MYO5A: variants seen among roughly 807,000 people sequenced by gnomAD.
MYO5A encodes unconventional myosin-Va.
MYO5A carries 98 observed loss-of-function variants against 249.7 expected under a neutral mutation model. The observed-to-expected ratio is 0.39, with a 90% confidence interval of 0.33 to 0.46. The LOEUF is 0.46. MYO5A is among the 20% of genes least tolerant of loss of function. MYO5A has a pLI of 0.98. For synonymous variants in MYO5A, 778 were observed against 810.6 expected (o/e 0.96, Z 0.68); for missense variants, 1,696 against 2,308.8 (o/e 0.73, Z 5.44).
chr15:52,333,456 C>T (rs1005202300), intron 34 of MYO5A, among the ~76,000 whole-genome samples: 1 of 152,144 alleles, frequency 6.6e-6, no homozygotes, highest in Non-Finnish European at 1.5e-5. Context: ...ATCAGTGGCC[C>T]TTAGAAGGTA....
intron 5 of MYO5A, among the ~76,000 whole-genome samples, chr15:52,411,280 T>C (rs2043236323): frequency 6.6e-6 from 1 of 152,234 alleles, no homozygotes; most frequent in Non-Finnish European, 1.5e-5. Context: ...CCTTATCCTG[T>C]GGCAACAAAG....
rs924012650 is a variant in MYO5A at position 52,468,130 on chromosome 15, G to A, written c.28-34845C>T. 3.3e-5 allele frequency among the ~76,000 whole-genome samples: 5 copies of A among 152,254 alleles called. No individual in the cohort carries two copies. In the South Asian group the frequency reaches 1.0e-3, roughly 32 times the overall value. On this transcript the variant is annotated intron_variant, in intron 1 of 41. Coordinates refer to ENST00000399233, the MANE Select transcript of MYO5A (RefSeq NM_001382347.1). ...TTTGAGAAGCTGAGGCATGAGGATTGCTTGAGCCTAGGAGTTGGAGACCAG... is the reference window on the plus strand; with the variant it reads ...TTTGAGAAGCTGAGGCATGAGGATTACTTGAGCCTAGGAGTTGGAGACCAG...
chr15:52,487,968 G>A (rs1460023704), intron 1 of MYO5A, among the ~76,000 whole-genome samples: 1 of 152,034 alleles, frequency 6.6e-6, no homozygotes, highest in African/African-American at 2.4e-5. Context: ...TAAACACTAA[G>A]ATGAAAGCTT....
chr15:52,512,528 A>ATT (rs1177928314), intron 1 of MYO5A, among the ~76,000 whole-genome samples: 3 of 152,104 alleles, frequency 2.0e-5, no homozygotes, highest in African/African-American at 7.2e-5. Context: ...AAATATATAT[A>ATT]TATATAGGGA....
At chr15:52,504,427 T>C (rs2077223309) in intron 1 of MYO5A, among the ~76,000 whole-genome samples, 1 of 152,188 alleles carries the variant, frequency 6.6e-6, no homozygotes, top group South Asian at 2.1e-4. Flanking sequence ...TGTTTTGCAA[T>C]GTCCAAAGCA....
intron 1 of MYO5A, among the ~76,000 whole-genome samples, chr15:52,454,129 C>T (rs2076072540): frequency 6.6e-6 from 1 of 151,906 alleles, no homozygotes; most frequent in Admixed American, 6.6e-5. Flanking sequence ...CCCATTTTAC[C>T]TATAAAGACA....
At chr15:52,528,759 G>A in intron 1 of MYO5A, 21 bp downstream of exon 1, 2 of 1,503,216 alleles carry the variant, frequency 1.3e-6, no homozygotes, top group Non-Finnish European at 8.8e-7. Flanking sequence ...AGTCCTCGAC[G>A]CCGGCCGCGG....
At chr15:52,393,973 C>T (rs2042375369) in intron 11 of MYO5A, among the ~76,000 whole-genome samples, 1 of 152,192 alleles carries the variant, frequency 6.6e-6, no homozygotes, top group South Asian at 2.1e-4. Flanking sequence ...GAGCATATTA[C>T]TCACACACAT....
rs113484481 is a variant in MYO5A at position 52,317,150 on chromosome 15, C to T, written c.5307G>A (p.Leu1769=). 2.8e-5 allele frequency: 45 copies of T among 1,614,066 alleles called. 1 individual carries two copies. The highest frequency in any genetic ancestry group is 2.3e-4 in the African/African-American group (17 of 75,024). Residue 1769 remains leucine, a synonymous_variant, in exon 40 of 42, where the codon CTG becomes CTA. Coordinates refer to ENST00000399233, the MANE Select transcript of MYO5A (RefSeq NM_001382347.1). ...NLMNSGAKET[L]EPLIQAAQLL... ...GTTGAGCAGCCTGAATGAGAGGTTC[C>T]AGGGTTTCTTTAGCCCCACTATTCA...
At chr15:52,516,117 T>A (rs2077490897) in intron 1 of MYO5A, among the ~76,000 whole-genome samples, 1 of 152,192 alleles carries the variant, frequency 6.6e-6, no homozygotes, top group African/African-American at 2.4e-5. Flanking sequence ...AGAGGTTAAG[T>A]GGCTTGCTTA....
At chr15:52,419,561 T>C (rs1180580377) in intron 4 of MYO5A, among the ~76,000 whole-genome samples, 6 of 152,206 alleles carry the variant, frequency 3.9e-5, no homozygotes, top group Non-Finnish European at 7.3e-5. Flanking sequence ...ACAATTATAA[T>C]ATTAATTTTA....
chr15:52,450,665 C>CA (rs543453662), intron 1 of MYO5A, among the ~76,000 whole-genome samples: 2,386 of 96,900 alleles, frequency 0.025, 24 homozygotes, highest in Middle Eastern at 0.049. Context: ...GAACTTGTCT[C>CA]AAAAAAAAAA....
chr15:52,515,478 C>G (rs6493563), intron 1 of MYO5A, among the ~76,000 whole-genome samples: 2 of 151,962 alleles, frequency 1.3e-5, no homozygotes, highest in Admixed American at 1.3e-4. Flanking sequence ...ATAACAACAA[C>G]AATGACAGTA....
chr15:52,499,836 T>G (rs2077116712), intron 1 of MYO5A, among the ~76,000 whole-genome samples: 1 of 152,208 alleles, frequency 6.6e-6, no homozygotes, highest in African/African-American at 2.4e-5. Context: ...TGAATTCTTT[T>G]GGGTATATTC....
chr15:52,344,722 C>T (rs1024310116), intron 30 of MYO5A, among the ~76,000 whole-genome samples: 8 of 152,198 alleles, frequency 5.3e-5, no homozygotes, highest in East Asian at 1.9e-4. Flanking sequence ...TACTTAACAC[C>T]TTTCAGAGGA....
At chr15:52,466,429 A>C (rs554409853) in intron 1 of MYO5A, among the ~76,000 whole-genome samples, 96 of 152,126 alleles carry the variant, frequency 6.3e-4, no homozygotes, top group African/African-American at 2.2e-3. Flanking sequence ...CTGCACAGTG[A>C]CTCCTATAGC....
At chr15:52,465,297 C>G (rs1455686073) in intron 1 of MYO5A, among the ~76,000 whole-genome samples, 1 of 152,176 alleles carries the variant, frequency 6.6e-6, no homozygotes, top group East Asian at 1.9e-4. Context: ...CCCATGATCC[C>G]CTATCCTTGC....
At chr15:52,505,965 T>TGATGGGATTA in intron 1 of MYO5A, 3 of 1,050,572 alleles carry the variant, frequency 2.9e-6, no homozygotes, top group Non-Finnish European at 4.0e-6. Flanking sequence ...TGTAATCCCA[T>TGATGGGATTA]CACTTTGGGA....
chr15:52,353,765 AC>A, intron 26 of MYO5A, 105 bp downstream of exon 26: 2 of 1,590,442 alleles, frequency 1.3e-6, no homozygotes, highest in Non-Finnish European at 1.7e-6. Flanking sequence ...CACTACTTTA[AC>A]CAAGTGGTGC....
Sources: allele counts gnomAD v4.1 joint callset (sites outside exome capture counted in the v4.1 genomes callset), GRCh38; gene constraint gnomAD v4.1.1; transcripts MANE v1.5; gene names NCBI Gene and HGNC (gene_info 2026-07-23, HGNC 2026-07-21).